Variants in MSI2 observed in about 807,000 individuals in gnomAD.
MSI2 encodes RNA-binding protein Musashi homolog 2.
Under a neutral mutation model 45.6 loss-of-function variants are expected in MSI2, and 17 were observed. The observed-to-expected ratio is 0.37, with a 90% CI of 0.26 to 0.56. The LOEUF is 0.56. Among genes scored for constraint, MSI2 ranks in the 20% least tolerant of loss-of-function variants. The probability of loss-of-function intolerance (pLI) is 0.77; values close to 1 mark genes in which losing one functional copy is unlikely to be tolerated. For synonymous variants in MSI2, 156 were observed against 158.2 expected, an observed-to-expected ratio of 0.99 and a Z score of 0.11; for missense variants, 293 against 444.2, an observed-to-expected ratio of 0.66 and a Z score of 3.06.
chr17:57,502,598 CTG>C (rs1491336384), intron 6 of MSI2, among the ~76,000 whole-genome samples: 1 of 43,678 alleles, frequency 2.3e-5, no homozygotes, highest in Non-Finnish European at 4.3e-5. Context: ...GAAGATGACT[CTG>C]AGATATATAT....
rs1913643458 is a variant in MSI2, at chr17:57,682,148, C to T, written c.*2631C>T. ...AGATTTAGGACCAGTAAGGATAGAACTTTCTCTTATTTATGAAAAAAAATG... is the reference window on the plus strand; with the variant it reads ...AGATTTAGGACCAGTAAGGATAGAATTTTCTCTTATTTATGAAAAAAAATG... On this transcript the variant is annotated 3_prime_UTR_variant, in exon 14 of 14. Coordinates refer to ENST00000284073, the MANE Select transcript of MSI2 (RefSeq NM_138962.4). 5.2e-6 allele frequency: 1 copy of T among 193,614 alleles called. No individual in the cohort carries two copies. The highest frequency in any genetic ancestry group is 1.9e-4 in the South Asian group (1 of 5,152). The allele number at this position is 193,614 out of a possible 1,614,324, so 12.0% of individuals were successfully genotyped here. A position where few individuals can be genotyped will look rare whatever the true frequency, so the allele number is the denominator to read the frequency against.
At chr17:57,635,746 C>T (rs929760148) in intron 10 of MSI2, among the ~76,000 whole-genome samples, 3 of 152,334 alleles carry the variant, frequency 2.0e-5, no homozygotes, top group Admixed American at 6.5e-5. Context: ...TCTTCAGCAA[C>T]GGAAAACAGG....
chr17:57,607,483 G>T (rs909953297), intron 8 of MSI2, among the ~76,000 whole-genome samples: 1 of 152,198 alleles, frequency 6.6e-6, no homozygotes, highest in Non-Finnish European at 1.5e-5. Flanking sequence ...GTAGAACAAG[G>T]AAAGTTATCA....
chr17:57,555,355 G>A (rs1360559465), intron 7 of MSI2, among the ~76,000 whole-genome samples: 3 of 152,122 alleles, frequency 2.0e-5, no homozygotes, highest in Non-Finnish European at 2.9e-5. Context: ...TTTCTGAAAT[G>A]TGATTCTGGT....
chr17:57,297,632 T>A (rs1433089372), intron 5 of MSI2, among the ~76,000 whole-genome samples: 1 of 152,172 alleles, frequency 6.6e-6, no homozygotes, highest in East Asian at 1.9e-4. Flanking sequence ...GACTCTTCCT[T>A]TCACGAAATA....
In MSI2 at chr17:57,397,140, C is replaced by T. The variant is rs551508728; in HGVS notation, c.313-4239C>T. Among the ~76,000 whole-genome samples the T allele has an allele frequency of 5.8e-4, 89 of 152,254 alleles. 1 individual carries two copies. Among genetic ancestry groups the T allele is most frequent in the Middle Eastern group, 3.4e-3 (1 of 294 alleles). ...GGATGCAGTGGCTGCTTCCCTGTAC[C>T]CTGTATGGGTACTCTACTGGTATTA... On this transcript the variant is annotated intron_variant, in intron 5 of 13. Transcript: ENST00000284073.
At chr17:57,370,052 G>T (rs1410057775) in intron 5 of MSI2, among the ~76,000 whole-genome samples, 5 of 152,168 alleles carry the variant, frequency 3.3e-5, no homozygotes, top group African/African-American at 1.2e-4. Flanking sequence ...AAACACTGTC[G>T]CTGGGTTAAT....
At chr17:57,658,167 G>T (rs1911741088) in intron 11 of MSI2, among the ~76,000 whole-genome samples, 1 of 152,206 alleles carries the variant, frequency 6.6e-6, no homozygotes, top group Non-Finnish European at 1.5e-5. Flanking sequence ...TCCTCTGGGG[G>T]CTGTGGACCC....
chr17:57,262,400 G>A (rs1907396873), intron 5 of MSI2: 1 of 488,562 alleles, frequency 2.0e-6, no homozygotes, highest in Non-Finnish European at 3.6e-6. Flanking sequence ...ATCCACCTGG[G>A]GGCAGGGACA....
chr17:57,303,371 A>C (rs890701800), intron 5 of MSI2, among the ~76,000 whole-genome samples: 10 of 152,198 alleles, frequency 6.6e-5, no homozygotes, highest in African/African-American at 2.2e-4. Context: ...CCATGAGAAG[A>C]ATTGCAGGAC....
At chr17:57,510,085 C>A (rs918582227) in intron 6 of MSI2, among the ~76,000 whole-genome samples, 1 of 151,968 alleles carries the variant, frequency 6.6e-6, no homozygotes, top group Non-Finnish European at 1.5e-5. Flanking sequence ...TTCTTAATTG[C>A]GCTGTTTGTC....
chr17:57,282,585 C>T (rs1909516318), intron 5 of MSI2, among the ~76,000 whole-genome samples: 1 of 152,012 alleles, frequency 6.6e-6, no homozygotes, highest in Non-Finnish European at 1.5e-5. Flanking sequence ...GGCAGCCTCT[C>T]CCCCATTTCC....
chr17:57,285,959 G>T, intron 5 of MSI2: 1 of 1,534,578 alleles, frequency 6.5e-7, no homozygotes. Context: ...TATTCAACAT[G>T]GATGGAGTGG....
intron 5 of MSI2, among the ~76,000 whole-genome samples, chr17:57,282,759 C>A (rs1909528265): frequency 6.9e-6 from 1 of 144,076 alleles, no homozygotes; most frequent in Admixed American, 7.4e-5. Context: ...TCTTTTACCT[C>A]CGTGACAAGA....
chr17:57,504,932 A>T (rs2086195027), intron 6 of MSI2, among the ~76,000 whole-genome samples: 1 of 120,974 alleles, frequency 8.3e-6, no homozygotes, highest in Non-Finnish European at 1.7e-5. Context: ...ACTCCATTTA[A>T]AAAAAAAAAA....
chr17:57,563,746 G>GCACACACACACACA lies in MSI2; in HGVS notation c.455-33097_455-33084dup, dbSNP rs61342598. 1.3e-3 allele frequency among the ~76,000 whole-genome samples: 182 copies of GCACACACACACACA among 139,394 alleles called. 1 individual carries two copies. In the East Asian group the frequency reaches 0.02, roughly 15 times the overall value. The allele number at this position is 139,394 out of a possible 152,430, so 91.4% of individuals were successfully genotyped here. A position where few individuals can be genotyped will look rare whatever the true frequency, so the allele number is the denominator to read the frequency against. On this transcript the variant is annotated intron_variant, in intron 7 of 13. Transcript: ENST00000284073. Reference sequence around the variant, plus strand: ...TTCCCTCTCACACACACACAGGCGCGCACACACACACACACACACACACAC... The same window carrying GCACACACACACACA: ...TTCCCTCTCACACACACACAGGCGCGCACACACACACACACACACACACACACACACACACACAC...
intron 5 of MSI2, among the ~76,000 whole-genome samples, chr17:57,369,054 G>A (rs779812401): frequency 5.9e-5 from 9 of 152,180 alleles, no homozygotes; most frequent in African/African-American, 9.7e-5. Context: ...GAGTCATTTG[G>A]TGAGGTTTAT....
intron 6 of MSI2, chr17:57,440,853 A>C (rs2084787364): frequency 6.6e-6 from 1 of 152,166 alleles, no homozygotes; most frequent in Non-Finnish European, 1.5e-5. Flanking sequence ...ATTTTAAGCC[A>C]CAGAAACGTT....
intron 5 of MSI2, among the ~76,000 whole-genome samples, chr17:57,394,089 C>T (rs1349510479): frequency 6.6e-6 from 1 of 152,204 alleles, no homozygotes; most frequent in East Asian, 1.9e-4. Flanking sequence ...TTTAAATTTC[C>T]ACCAGGAAGA....
Sources: allele counts gnomAD v4.1 joint callset (sites outside exome capture counted in the v4.1 genomes callset), GRCh38; gene constraint gnomAD v4.1.1; transcripts MANE v1.5; gene names NCBI Gene and HGNC (gene_info 2026-07-23, HGNC 2026-07-21).